The following NWD2 variants were observed in gnomAD, a reference collection of about 807,000 sequenced individuals.
NWD2 encodes NACHT and WD repeat domain containing 2.
NWD2 carries 37 observed loss-of-function variants against 132.7 expected under a neutral mutation model. The observed-to-expected ratio is 0.28, with a 90% CI of 0.21 to 0.37. The LOEUF is 0.37. NWD2 is among the 10% of genes least tolerant of loss of function. NWD2 has a pLI of 1.00. For missense variants in NWD2, 1,592 were observed against 2,122.4 expected (o/e 0.75, Z 4.91); for synonymous variants, 705 against 803.0 (o/e 0.88, Z 2.06).
rs558581370 is a variant in NWD2, at chr4:37,426,693, C to A, written c.358-3879C>A. On this transcript the variant is annotated intron_variant, in intron 3 of 6. Transcript: ENST00000309447. The stretch of plus-strand genomic sequence containing the variant: ...CTCAACTTCTGAATTCCTTTGGAAC[C>A]TCATTTTAAAATGCAGTTTCCTTGG... Among the ~76,000 whole-genome samples the A allele has an allele frequency of 5.9e-5, 9 of 152,252 alleles. No individual in the cohort carries two copies. In the East Asian group the frequency reaches 1.7e-3, roughly 29 times the overall value.
At chr4:37,433,304 T>C (rs531032147) in intron 4 of NWD2, among the ~76,000 whole-genome samples, 10 of 152,242 alleles carry the variant, frequency 6.6e-5, no homozygotes, top group Non-Finnish European at 1.3e-4. Flanking sequence ...TTTGCTTTAA[T>C]TGTTTCTTCA....
At chr4:37,297,354 T>C (rs1718516234) in intron 1 of NWD2, among the ~76,000 whole-genome samples, 1 of 152,186 alleles carries the variant, frequency 6.6e-6, no homozygotes, top group African/African-American at 2.4e-5. Flanking sequence ...TTTTATTGTA[T>C]TTTTTCCCAA....
intron 3 of NWD2, among the ~76,000 whole-genome samples, chr4:37,399,541 G>A (rs1720862890): frequency 6.6e-6 from 1 of 152,040 alleles, no homozygotes; most frequent in South Asian, 2.1e-4. Flanking sequence ...ATTTAACCTG[G>A]TGGCCCAATA....
intron 1 of NWD2, among the ~76,000 whole-genome samples, chr4:37,260,263 C>G (rs1272204246): frequency 2.0e-5 from 3 of 152,162 alleles, no homozygotes; most frequent in African/African-American, 7.2e-5. Flanking sequence ...CTGGTTTATA[C>G]AGTAGCTCTG....
intron 1 of NWD2, among the ~76,000 whole-genome samples, chr4:37,291,129 A>G (rs958535035): frequency 1.2e-4 from 19 of 152,194 alleles, no homozygotes; most frequent in African/African-American, 4.1e-4. Flanking sequence ...CACACTCACT[A>G]ACAGGTCATC....
At chr4:37,373,958 G>C (rs1451366067) in intron 3 of NWD2, among the ~76,000 whole-genome samples, 1 of 152,222 alleles carries the variant, frequency 6.6e-6, no homozygotes, top group Non-Finnish European at 1.5e-5. Flanking sequence ...ACTCGAGACT[G>C]AAAACCGTGC....
chr4:37,391,690 CA>C (rs1313569831), intron 3 of NWD2, among the ~76,000 whole-genome samples: 1 of 152,104 alleles, frequency 6.6e-6, no homozygotes, highest in East Asian at 1.9e-4. Flanking sequence ...GTCAGAGTCC[CA>C]AAAGACCTTC....
chr4:37,305,503 G>A (rs569971757), intron 1 of NWD2, among the ~76,000 whole-genome samples: 124 of 152,098 alleles, frequency 8.2e-4, no homozygotes, highest in African/African-American at 2.8e-3. Flanking sequence ...AAATCTCTTC[G>A]TTGAAGTACG....
chr4:37,411,205 T>C (rs563554222), intron 3 of NWD2, among the ~76,000 whole-genome samples: 2 of 152,256 alleles, frequency 1.3e-5, no homozygotes, highest in East Asian at 3.9e-4. Context: ...AGGAGCTGGC[T>C]TTTTGAAAAG....
intron 2 of NWD2, among the ~76,000 whole-genome samples, chr4:37,347,202 AG>A (rs1719654595): frequency 6.6e-6 from 1 of 152,078 alleles, no homozygotes; most frequent in African/African-American, 2.4e-5. Flanking sequence ...GAATTTATTT[AG>A]ATTTATTGAA....
In NWD2 at chr4:37,445,047, A is replaced by G. The variant is rs1321307405; in HGVS notation, c.3059A>G (p.Asp1020Gly). ...ATCCTGGGCATGAAACTCACCAGTG[A>G]TGAAAAGTACCTTGTGGTGGCTACA... ...SVILGMKLTS[D>G]EKYLVVATTN... is the part of the protein sequence containing the mutation. Residue 1020 changes from aspartate to glycine, a missense_variant, in exon 7 of 7, where the codon GAT becomes GGT. By Grantham distance (94) the Asp-to-Gly change is moderately conservative (BLOSUM62 -1). Coordinates refer to ENST00000309447, the MANE Select transcript of NWD2 (RefSeq NM_001144990.2). This position sits in a 1 kb window ranked among gnomAD's most constrained non-coding sequence, Gnocchi z 4.7. The G allele has an allele frequency of 6.4e-7, 1 of 1,551,774 alleles. No individual in the cohort carries two copies. The highest frequency in any genetic ancestry group is 2.0e-5 in the Admixed American group (1 of 50,992).
At chr4:37,352,327 G>A (rs1011656317) in intron 2 of NWD2, among the ~76,000 whole-genome samples, 16 of 152,130 alleles carry the variant, frequency 1.1e-4, no homozygotes, top group Admixed American at 7.9e-4. Flanking sequence ...CTCTTTGTAG[G>A]CCTCTAAGAA....
At chr4:37,393,037 C>A (rs993324440) in intron 3 of NWD2, among the ~76,000 whole-genome samples, 3 of 152,304 alleles carry the variant, frequency 2.0e-5, no homozygotes, top group African/African-American at 7.2e-5. Flanking sequence ...CGCCTGGGAG[C>A]AGGCAGTCAT....
chr4:37,354,834 T>C (rs1719839283), intron 2 of NWD2, among the ~76,000 whole-genome samples: 1 of 152,230 alleles, frequency 6.6e-6, no homozygotes, highest in African/African-American at 2.4e-5. Context: ...GTAAAACACC[T>C]GGAAAGATTA....
intron 3 of NWD2, among the ~76,000 whole-genome samples, chr4:37,412,785 A>G (rs1208009748): frequency 1.3e-5 from 2 of 152,240 alleles, no homozygotes; most frequent in East Asian, 3.8e-4. Context: ...AAACAGATAT[A>G]TAGACCAATA....
At chr4:37,384,974 C>A (rs1329794868) in intron 3 of NWD2, among the ~76,000 whole-genome samples, 1 of 152,080 alleles carries the variant, frequency 6.6e-6, no homozygotes, top group Non-Finnish European at 1.5e-5. Flanking sequence ...TTGCTGATTA[C>A]CCTGATTTGA....
chr4:37,297,603 A>G (rs1045566391), intron 1 of NWD2, among the ~76,000 whole-genome samples: 3 of 152,212 alleles, frequency 2.0e-5, no homozygotes, highest in African/African-American at 7.2e-5. Context: ...TTGTCCCAAT[A>G]ATACTGGATC....
At chr4:37,337,700 T>C (rs904205887) in intron 2 of NWD2, among the ~76,000 whole-genome samples, 4 of 152,154 alleles carry the variant, frequency 2.6e-5, no homozygotes, top group Non-Finnish European at 5.9e-5. Context: ...CCAATGAGAG[T>C]ATAACCTTCT....
chr4:37,410,382 C>T (rs1258592524), intron 3 of NWD2, among the ~76,000 whole-genome samples: 1 of 152,032 alleles, frequency 6.6e-6, no homozygotes, highest in East Asian at 1.9e-4. Flanking sequence ...ACACTTTAAA[C>T]CAACAAAGAA....
Sources: allele counts gnomAD v4.1 joint callset (sites outside exome capture counted in the v4.1 genomes callset), GRCh38; gene constraint gnomAD v4.1.1; non-coding constraint Gnocchi (gnomAD v3.1); transcripts MANE v1.5; gene names NCBI Gene and HGNC (gene_info 2026-07-23, HGNC 2026-07-21).